Variants in DENND1A observed in about 807,000 individuals in gnomAD.
DENND1A encodes DENN domain-containing protein 1A.
A neutral mutation model predicts 113.7 loss-of-function variants in DENND1A; 51 were observed. The observed-to-expected ratio is 0.45, with a 90% CI of 0.36 to 0.57. The LOEUF (loss-of-function observed/expected upper bound fraction) is 0.57, where lower values mean the gene tolerates loss of function less well. Ranked by LOEUF, DENND1A falls within the 20% of genes least tolerant of loss-of-function variation. DENND1A has a pLI of 0.00. For missense variants in DENND1A, 1,258 were observed against 1,395.9 expected, an observed-to-expected ratio of 0.90 and a Z score of 1.57; for synonymous variants, 565 against 570.8, an observed-to-expected ratio of 0.99 and a Z score of 0.14.
intron 5 of DENND1A, among the ~76,000 whole-genome samples, chr9:123,744,857 C>A (rs954805257): frequency 2.0e-5 from 3 of 148,530 alleles, no homozygotes; most frequent in Non-Finnish European, 3.0e-5. Flanking sequence ...CTCACTGCAA[C>A]CTCCGCCTCC....
At chr9:123,841,738 A>C (rs1256017280) in intron 2 of DENND1A, among the ~76,000 whole-genome samples, 3 of 152,216 alleles carry the variant, frequency 2.0e-5, no homozygotes, top group Non-Finnish European at 4.4e-5. Flanking sequence ...AAAGAGGTTT[A>C]GGACAATGAT....
At chr9:123,914,649 C>G (rs1854747504) in intron 1 of DENND1A, among the ~76,000 whole-genome samples, 1 of 151,716 alleles carries the variant, frequency 6.6e-6, no homozygotes, top group South Asian at 2.1e-4. Context: ...GCATCTGCTT[C>G]TGGAGAGGCC....
At chr9:123,928,942 A>G (rs7872162) in intron 1 of DENND1A, 36,683 of 966,842 alleles carry the variant, frequency 0.038, 1,194 homozygotes, top group African/African-American at 0.16. Context: ...AAACAATTCT[A>G]TTAGTCACAG....
In DENND1A at chr9:123,800,065, A is replaced by C. The variant is rs187713644; in HGVS notation, c.89-7435T>G. Among the ~76,000 whole-genome samples the C allele has an allele frequency of 8.5e-5, 13 of 152,348 alleles. No individual in the cohort carries two copies. The East Asian group carries it at 2.5e-3, about 29-fold the overall frequency. On this transcript the variant is annotated intron_variant, in intron 2 of 23. Transcript: ENST00000394215. ...CATTGCCTTCTACTGCTTACTTAGA[A>C]ACACTATAACTTTATCAGAAACTGA...
At chr9:123,497,577 C>T (rs988113857) in intron 13 of DENND1A, among the ~76,000 whole-genome samples, 1 of 152,182 alleles carries the variant, frequency 6.6e-6, no homozygotes, top group Non-Finnish European at 1.5e-5. Flanking sequence ...CCTGCCTCAG[C>T]TTCCCAAAGT....
At chr9:123,589,521 G>A (rs902354140) in intron 11 of DENND1A, among the ~76,000 whole-genome samples, 4 of 150,514 alleles carry the variant, frequency 2.7e-5, no homozygotes, top group East Asian at 2.0e-4. Context: ...GCGGCACACC[G>A]AGACAGCTCT....
chr9:123,925,320 C>G (rs1310570406), intron 1 of DENND1A, among the ~76,000 whole-genome samples: 1 of 152,162 alleles, frequency 6.6e-6, no homozygotes, highest in Non-Finnish European at 1.5e-5. Context: ...CCCTACCTAT[C>G]TCTCAGCTGA....
rs1857734569 is a variant in DENND1A at position 123,929,862 on chromosome 9, G to C, written c.17+27C>G. The C allele has an allele frequency of 2.0e-5, 5 of 248,996 alleles. No individual in the cohort carries two copies. In the South Asian group the frequency reaches 2.7e-4, roughly 14 times the overall value. 15.4% of individuals were successfully genotyped at this position (248,996 alleles called of 1,614,324 possible). A position where few individuals can be genotyped will look rare whatever the true frequency, so the allele number is the denominator to read the frequency against. ...GGCCTCGCCGCCCCGCGCCCGGCCC[G>C]GCTCCGCCCGGCCCGGCCGCACTCA... On this transcript the variant is annotated intron_variant, in intron 1 of 23. Transcript: ENST00000394215.
At chr9:123,735,305 A>G (rs1564164506) in intron 5 of DENND1A, among the ~76,000 whole-genome samples, 2 of 151,390 alleles carry the variant, frequency 1.3e-5, no homozygotes, top group East Asian at 1.9e-4. Context: ...TAATTTGTAC[A>G]CTCTCTCTCT....
chr9:123,892,911 G>A (rs1477317030), intron 1 of DENND1A, among the ~76,000 whole-genome samples: 1 of 152,142 alleles, frequency 6.6e-6, no homozygotes, highest in East Asian at 1.9e-4. Context: ...GAACCTGAGA[G>A]GCAGGGGTTG....
intron 5 of DENND1A, among the ~76,000 whole-genome samples, chr9:123,741,329 C>T (rs1238020384): frequency 6.6e-6 from 1 of 152,164 alleles, no homozygotes; most frequent in African/African-American, 2.4e-5. Flanking sequence ...CGGATATGAT[C>T]GGATATCTCA....
chr9:123,892,037 C>T (rs911226511), intron 1 of DENND1A, among the ~76,000 whole-genome samples: 1 of 152,160 alleles, frequency 6.6e-6, no homozygotes, highest in South Asian at 2.1e-4. Flanking sequence ...GTTGAGTTTG[C>T]AGCACAGAGT....
At chr9:123,712,037 T>C (rs1215917299) in intron 5 of DENND1A, among the ~76,000 whole-genome samples, 3 of 152,230 alleles carry the variant, frequency 2.0e-5, no homozygotes. Flanking sequence ...ACTATTTACC[T>C]TCTCTGTGCC....
At chr9:123,700,587 C>T (rs1010110432) in intron 5 of DENND1A, among the ~76,000 whole-genome samples, 3 of 152,182 alleles carry the variant, frequency 2.0e-5, no homozygotes, top group Non-Finnish European at 4.4e-5. Flanking sequence ...AGCAGAATTC[C>T]TTCTTCTCTG....
chr9:123,666,478 G>A (rs1340366285), intron 8 of DENND1A, among the ~76,000 whole-genome samples: 1 of 152,110 alleles, frequency 6.6e-6, no homozygotes, highest in Non-Finnish European at 1.5e-5. Flanking sequence ...TCTCTGAAAG[G>A]TAAATATACA....
At chr9:123,389,931 C>T (rs891612555) in intron 21 of DENND1A, among the ~76,000 whole-genome samples, 1 of 152,216 alleles carries the variant, frequency 6.6e-6, no homozygotes, top group African/African-American at 2.4e-5. Flanking sequence ...TTGGCTCTAC[C>T]TACCTCTGTG....
At chr9:123,884,506 A>AT (rs903770636) in intron 1 of DENND1A, among the ~76,000 whole-genome samples, 8 of 151,492 alleles carry the variant, frequency 5.3e-5, no homozygotes, top group African/African-American at 1.2e-4. Context: ...CCTGCCAAGC[A>AT]TTTTTTTTGC....
intron 19 of DENND1A, among the ~76,000 whole-genome samples, chr9:123,420,368 C>T (rs1434949105): frequency 1.3e-5 from 2 of 152,206 alleles, no homozygotes; most frequent in Non-Finnish European, 2.9e-5. Flanking sequence ...GCAGACTCCA[C>T]AGTGAGGTTT....
chr9:123,805,210 C>G (rs1835332666), intron 2 of DENND1A, among the ~76,000 whole-genome samples: 1 of 152,090 alleles, frequency 6.6e-6, no homozygotes, highest in South Asian at 2.1e-4. Flanking sequence ...ATTCCTCATT[C>G]CATTTTCCTG....
Sources: allele counts gnomAD v4.1 joint callset (sites outside exome capture counted in the v4.1 genomes callset), GRCh38; gene constraint gnomAD v4.1.1; transcripts MANE v1.5; gene names NCBI Gene and HGNC (gene_info 2026-07-23, HGNC 2026-07-21).